Variants in HPN observed in about 807,000 individuals in gnomAD.
HPN encodes serine protease hepsin.
A neutral mutation model predicts 55.9 loss-of-function variants in HPN; 13 were observed. The observed-to-expected ratio is 0.23, with a 90% CI of 0.15 to 0.37. HPN has a LOEUF of 0.37. Among genes scored for constraint, HPN ranks in the 10% least tolerant of loss-of-function variants. The pLI is 1.00. For missense variants in HPN, 451 were observed against 575.8 expected (o/e 0.78, Z 2.22); for synonymous variants, 225 against 240.3 (o/e 0.94, Z 0.59).
chr19:35,041,831 G>C lies in HPN; in HGVS notation c.-96G>C. 1 of 1,342,726 alleles carries C rather than the reference G, an allele frequency of 7.4e-7. No homozygotes were observed. Among genetic ancestry groups the C allele is most frequent in the Non-Finnish European group, 9.8e-7 (1 of 1,017,890 alleles). The allele number at this position is 1,342,726 out of a possible 1,614,324, so 83.2% of individuals were successfully genotyped here. ...CAGGCCTGGAGACTGACCCGACCCCGGCACTACCTCGAGGCTCCGCCCCCA... is the reference window on the plus strand; with the variant it reads ...CAGGCCTGGAGACTGACCCGACCCCCGCACTACCTCGAGGCTCCGCCCCCA... On this transcript the variant is annotated 5_prime_UTR_variant, in exon 1 of 13. Transcript: ENST00000672452.
intron 9 of HPN, among the ~76,000 whole-genome samples, chr19:35,062,084 GAA>G (rs2064541290): frequency 6.7e-6 from 1 of 150,338 alleles, no homozygotes; most frequent in Admixed American, 6.7e-5. Flanking sequence ...GAAAGAAAGA[GAA>G]AGAAAAGAAA....
At chr19:35,042,615 C>T (rs920641712) in intron 2 of HPN, 93 bp downstream of exon 2, 7 of 1,070,124 alleles carry the variant, frequency 6.5e-6, no homozygotes, top group Non-Finnish European at 9.7e-6. Flanking sequence ...GGAGCCCCCT[C>T]TCTCTGGGCA....
intron 10 of HPN, 67 bp from the exon 11 acceptor site, chr19:35,065,472 G>T: frequency 6.3e-7 from 1 of 1,585,736 alleles, no homozygotes. Context: ...GAATGGGGTG[G>T]GCACCAGGAG....
intron 4 of HPN, among the ~76,000 whole-genome samples, chr19:35,058,558 A>C (rs2064483558): frequency 6.8e-6 from 1 of 147,272 alleles, no homozygotes; most frequent in African/African-American, 2.5e-5. Context: ...TATTCTAATA[A>C]TATATTAATA....
Position 35,049,462 on chromosome 19 carries a change from C to T in HPN, c.119-13C>T, listed in dbSNP as rs201089448. The T allele has an allele frequency of 3.0e-4, 488 of 1,612,796 alleles. 2 individuals are homozygous for T. In the African/African-American group the frequency reaches 5.5e-3, roughly 18 times the overall value. ...CTCCAGCCTGCCTGCCCTCACCCCT[C>T]CCTTCTCTGCAGTGGCTGTTCTCCT... On this transcript the variant is annotated splice_polypyrimidine_tract_variant and intron_variant, in intron 3 of 12. Transcript: ENST00000672452.
chr19:35,059,653 C>A lies in HPN; in HGVS notation c.161-20C>A. On this transcript the variant is annotated intron_variant, in intron 4 of 12. Transcript: ENST00000672452. ...CCTGGCTGTGGGACCCAGGCGGCCCCGGGCCCTGTCGCCCTGCAGTGCAGG... is the reference window on the plus strand; with the variant it reads ...CCTGGCTGTGGGACCCAGGCGGCCCAGGGCCCTGTCGCCCTGCAGTGCAGG... The A allele has an allele frequency of 6.3e-7, 1 of 1,581,922 alleles. No individual in the cohort carries two copies. The highest frequency in any genetic ancestry group is 1.2e-5 in the South Asian group (1 of 86,872).
intron 9 of HPN, among the ~76,000 whole-genome samples, chr19:35,062,688 G>A (rs546854285): frequency 2.6e-5 from 4 of 152,160 alleles, no homozygotes; most frequent in East Asian, 1.9e-4. Flanking sequence ...TTCAAGACTC[G>A]CCTGGGCAAC....
intron 1 of HPN, 129 bp downstream of exon 1, chr19:35,042,001 C>T (rs2064299036): frequency 6.8e-6 from 8 of 1,174,378 alleles, no homozygotes; most frequent in Admixed American, 4.0e-5. Flanking sequence ...GGCACTATGA[C>T]GTCCCCCCAA....
intron 9 of HPN, among the ~76,000 whole-genome samples, chr19:35,061,584 G>A (rs1026367415): frequency 2.0e-5 from 3 of 151,738 alleles, no homozygotes; most frequent in Non-Finnish European, 4.4e-5. Flanking sequence ...ACAGAGCAAG[G>A]CTCTGTCATC....
At chr19:35,062,462 C>A (rs1350828306) in intron 9 of HPN, among the ~76,000 whole-genome samples, 1 of 152,154 alleles carries the variant, frequency 6.6e-6, no homozygotes, top group East Asian at 1.9e-4. Context: ...AGGAGTCATT[C>A]CCTCTGCAAT....
At chr19:35,051,890 C>T (rs1171989215) in intron 4 of HPN, among the ~76,000 whole-genome samples, 1 of 152,152 alleles carries the variant, frequency 6.6e-6, no homozygotes, top group Non-Finnish European at 1.5e-5. Flanking sequence ...GAAGGGATCA[C>T]GCCCCTGTCA....
In HPN at chr19:35,050,184, G is replaced by A. The variant is rs377540138; in HGVS notation, c.160+668G>A. Among the ~76,000 whole-genome samples, 179 of 152,232 alleles carry A rather than the reference G, an allele frequency of 1.2e-3. 4 individuals are homozygous for A. In the South Asian group the frequency reaches 0.033, roughly 28 times the overall value. ...GTCACCCAGGCTAGAGTGCAATGGT[G>A]CAGTCTCAGCTCACCGCAACCTCTG... On this transcript the variant is annotated intron_variant, in intron 4 of 12. Coordinates refer to ENST00000672452, the MANE Select transcript of HPN (RefSeq NM_001384133.1).
At chr19:35,049,581 C>T (rs1479928288) in intron 4 of HPN, 65 bp downstream of exon 4, 5 of 1,412,080 alleles carry the variant, frequency 3.5e-6, no homozygotes, top group Non-Finnish European at 4.9e-6. Context: ...GGCGGGAGCT[C>T]AACAAGCGTA....
At chr19:35,050,488 G>T in intron 4 of HPN, 1 of 1,288,846 alleles carries the variant, frequency 7.8e-7, no homozygotes, top group Non-Finnish European at 1.0e-6. Flanking sequence ...GCTGGGGAAC[G>T]AGGGGCCAGG....
At chr19:35,063,207 G>A (rs1376159694) in intron 9 of HPN, among the ~76,000 whole-genome samples, 1 of 152,212 alleles carries the variant, frequency 6.6e-6, no homozygotes, top group Non-Finnish European at 1.5e-5. Flanking sequence ...GGCAAACAAT[G>A]CCCCAAATTC....
chr19:35,054,914 G>A (rs943831599), intron 4 of HPN, among the ~76,000 whole-genome samples: 2 of 152,170 alleles, frequency 1.3e-5, no homozygotes, highest in African/African-American at 4.8e-5. Flanking sequence ...CAGCTGGTGT[G>A]TGGCCTCACC....
At chr19:35,050,910 CTTTCTTTTTTTT>C (rs1291773994) in intron 4 of HPN, among the ~76,000 whole-genome samples, 1 of 116,768 alleles carries the variant, frequency 8.6e-6, no homozygotes, top group Non-Finnish European at 1.7e-5. Flanking sequence ...TTCTTTCTTT[CTTTCTTTTTTTT>C]TTTTTTTTTT....
chr19:35,053,173 G>A (rs2064421417), intron 4 of HPN, among the ~76,000 whole-genome samples: 2 of 152,168 alleles, frequency 1.3e-5, no homozygotes, highest in African/African-American at 4.8e-5. Context: ...CAGCAGCAGA[G>A]AGTGTGACTT....
chr19:35,047,486 C>A (rs1485396142), intron 2 of HPN, among the ~76,000 whole-genome samples: 2 of 152,226 alleles, frequency 1.3e-5, no homozygotes, highest in Non-Finnish European at 2.9e-5. Context: ...GTTTTCTTCA[C>A]AGCCTCTGCC....
Sources: allele counts gnomAD v4.1 joint callset (sites outside exome capture counted in the v4.1 genomes callset), GRCh38; gene constraint gnomAD v4.1.1; transcripts MANE v1.5; gene names NCBI Gene and HGNC (gene_info 2026-07-23, HGNC 2026-07-21).